Variants in PTPRT observed in about 807,000 individuals in gnomAD.
The protein encoded by PTPRT is protein tyrosine phosphatase receptor type T, also known as receptor-type tyrosine-protein phosphatase T.
Under a neutral mutation model 176.8 loss-of-function variants are expected in PTPRT, and 56 were observed. The ratio of observed to expected loss-of-function variants is 0.32; its 90% CI spans 0.26 to 0.40. PTPRT has a LOEUF of 0.40. Among genes scored for constraint, PTPRT ranks in the 10% least tolerant of loss-of-function variants. The pLI is 1.00. For synonymous variants in PTPRT, 783 were observed against 739.0 expected (o/e 1.06, Z -0.96); for missense variants, 1,540 against 1,908.2 (o/e 0.81, Z 3.60).
chr20:42,959,714 T>C (rs546794818), intron 1 of PTPRT, among the ~76,000 whole-genome samples: 2 of 152,264 alleles, frequency 1.3e-5, no homozygotes, highest in African/African-American at 2.4e-5. Flanking sequence ...CACTAGCGCC[T>C]ACCCCAAGGG....
chr20:42,122,920 C>T (rs1987659152), intron 19 of PTPRT, among the ~76,000 whole-genome samples: 2 of 152,336 alleles, frequency 1.3e-5, no homozygotes, highest in South Asian at 4.1e-4. Context: ...CCTCACCAAG[C>T]TGCTCTTGAA....
intron 2 of PTPRT, among the ~76,000 whole-genome samples, chr20:42,855,057 G>A (rs1211384411): frequency 6.6e-6 from 1 of 152,104 alleles, no homozygotes; most frequent in African/African-American, 2.4e-5. Flanking sequence ...TGGGCCTTTT[G>A]TTTGTTGTTG....
chr20:42,985,789 C>CG (rs1038459700), intron 1 of PTPRT, among the ~76,000 whole-genome samples: 6 of 151,978 alleles, frequency 3.9e-5, no homozygotes, highest in Non-Finnish European at 5.9e-5. Flanking sequence ...CAAAGTCTAG[C>CG]GGGGGGATGA....
At chr20:42,770,317 G>A (rs1173472291) in intron 5 of PTPRT, among the ~76,000 whole-genome samples, 2 of 152,160 alleles carry the variant, frequency 1.3e-5, no homozygotes, top group Non-Finnish European at 2.9e-5. Flanking sequence ...TTATTTTCAT[G>A]TCAAATCACC....
At chr20:42,727,991 T>C (rs1012504668) in intron 6 of PTPRT, among the ~76,000 whole-genome samples, 3 of 152,146 alleles carry the variant, frequency 2.0e-5, no homozygotes, top group Non-Finnish European at 2.9e-5. Context: ...TGTGCCTCCA[T>C]CCAGAGGCTC....
At chr20:42,958,338 G>GAGAGAGA (rs1981779662) in intron 1 of PTPRT, among the ~76,000 whole-genome samples, 1 of 6,678 alleles carries the variant, frequency 1.5e-4, no homozygotes, top group Non-Finnish European at 3.3e-4. Context: ...GAGGAGGGAG[G>GAGAGAGA]GGAGAGGAGG....
chr20:43,142,650 T>C (rs2014052841), intron 1 of PTPRT, among the ~76,000 whole-genome samples: 1 of 152,262 alleles, frequency 6.6e-6, no homozygotes, highest in Non-Finnish European at 1.5e-5. Flanking sequence ...AACAGCCATA[T>C]GGCAGAACCT....
chr20:43,105,432 A>T (rs961096630), intron 1 of PTPRT, among the ~76,000 whole-genome samples: 1 of 150,066 alleles, frequency 6.7e-6, no homozygotes, highest in Admixed American at 6.6e-5. Context: ...ACAGAGTCTC[A>T]CTCTGTCACC....
intron 1 of PTPRT, among the ~76,000 whole-genome samples, chr20:42,967,910 A>G (rs1272875168): frequency 2.0e-5 from 3 of 152,106 alleles, no homozygotes; most frequent in Non-Finnish European, 4.4e-5. Context: ...TGGCAACCCA[A>G]TGAGGGACAT....
intron 2 of PTPRT, among the ~76,000 whole-genome samples, chr20:42,825,229 A>G (rs1003192392): frequency 7.2e-5 from 11 of 152,096 alleles, no homozygotes; most frequent in Admixed American, 6.6e-4. Flanking sequence ...CACACCACCA[A>G]TTGAATAATC....
intron 16 of PTPRT, among the ~76,000 whole-genome samples, chr20:42,183,408 C>T (rs1050938741): frequency 7.2e-5 from 11 of 152,172 alleles, no homozygotes; most frequent in African/African-American, 2.7e-4. Context: ...GTTAACATTA[C>T]TGATGTCTTT....
intron 2 of PTPRT, among the ~76,000 whole-genome samples, chr20:42,829,850 G>C (rs1408372196): frequency 6.6e-6 from 1 of 152,130 alleles, no homozygotes; most frequent in African/African-American, 2.4e-5. Flanking sequence ...AAACCTAGAA[G>C]AGCTGAACAC....
the PTPRT span, among the ~76,000 whole-genome samples, chr20:42,045,795 C>CT: frequency 2.0e-5 from 3 of 152,080 alleles, no homozygotes; most frequent in Non-Finnish European, 2.9e-5. Flanking sequence ...TCCCTTTCTC[C>CT]TTTTTTTCCC....
chr20:42,741,398 G>A (rs1166114131), intron 6 of PTPRT, among the ~76,000 whole-genome samples: 2 of 152,150 alleles, frequency 1.3e-5, no homozygotes, highest in Non-Finnish European at 2.9e-5. Flanking sequence ...AGACTGGAGT[G>A]CAGTGGCGCG....
chr20:42,229,640 C>T (rs2056093619), intron 15 of PTPRT, among the ~76,000 whole-genome samples: 1 of 152,148 alleles, frequency 6.6e-6, no homozygotes, highest in Admixed American at 6.5e-5. Flanking sequence ...CTACTATGTG[C>T]TAGGCATTTT....
chr20:42,166,618 C>T (rs770573173), intron 16 of PTPRT, among the ~76,000 whole-genome samples: 3 of 152,100 alleles, frequency 2.0e-5, no homozygotes, highest in South Asian at 2.1e-4. Flanking sequence ...GTTTACATAA[C>T]TATTTGAGAA....
chr20:42,758,085 G>A (rs2076861446), intron 5 of PTPRT, among the ~76,000 whole-genome samples: 1 of 152,116 alleles, frequency 6.6e-6, no homozygotes, highest in South Asian at 2.1e-4. Flanking sequence ...TTCAAGTCAA[G>A]CACTGTTTTT....
intron 9 of PTPRT, among the ~76,000 whole-genome samples, chr20:42,443,503 T>G (rs1319690522): frequency 6.6e-6 from 1 of 152,224 alleles, no homozygotes; most frequent in East Asian, 1.9e-4. Context: ...AAAGTGCAAA[T>G]CCCCAAAGAT....
intron 1 of PTPRT, among the ~76,000 whole-genome samples, chr20:43,000,781 GA>G (rs1169396371): frequency 2.0e-5 from 3 of 151,952 alleles, no homozygotes; most frequent in Non-Finnish European, 4.4e-5. Context: ...AAGCAAAATA[GA>G]AAGTAGTCAG....
Sources: gnomAD v4.1 joint callset for allele counts (sites outside exome capture counted in the v4.1 genomes callset) on GRCh38, gnomAD v4.1.1 for gene constraint, MANE v1.5 for transcripts, NCBI Gene and HGNC (gene_info 2026-07-23, HGNC 2026-07-21) for gene names.